Variants in ITGAE observed in about 807,000 individuals in gnomAD.
ITGAE encodes integrin alpha-E.
ITGAE carries 99 observed loss-of-function variants against 136.5 expected under a neutral mutation model. The ratio of observed to expected loss-of-function variants is 0.73; its 90% CI spans 0.62 to 0.86. ITGAE has a LOEUF of 0.86. Among genes scored for constraint, ITGAE ranks in the 40% least tolerant of loss-of-function variants. The probability of loss-of-function intolerance (pLI) is 0.00; values close to 1 mark genes in which losing one functional copy is unlikely to be tolerated. For missense variants in ITGAE, 1,447 were observed against 1,515.3 expected, an observed-to-expected ratio of 0.95 and a Z score of 0.75; for synonymous variants, 613 against 591.8, an observed-to-expected ratio of 1.04 and a Z score of -0.52.
At chr17:3,768,068 C>T (rs754506306) in intron 2 of ITGAE, among the ~76,000 whole-genome samples, 11 of 152,162 alleles carry the variant, frequency 7.2e-5, no homozygotes, top group Admixed American at 1.3e-4. Flanking sequence ...AAGAAAACTT[C>T]TATATTAATA....
chr17:3,791,308 A>G (rs910297262), intron 1 of ITGAE, among the ~76,000 whole-genome samples: 1 of 151,782 alleles, frequency 6.6e-6, no homozygotes. Context: ...ATTGAGACTG[A>G]GTCGTACTCT....
chr17:3,759,333 T>C (rs921007817), intron 8 of ITGAE, 69 bp downstream of exon 8: 21 of 1,561,518 alleles, frequency 1.3e-5, no homozygotes, highest in Non-Finnish European at 1.7e-5. Context: ...GGCCAGCCAC[T>C]TCCTCCATGA....
At chr17:3,744,418 C>T (rs1326226232) in intron 18 of ITGAE, among the ~76,000 whole-genome samples, 1 of 151,086 alleles carries the variant, frequency 6.6e-6, no homozygotes, top group Non-Finnish European at 1.5e-5. Context: ...AGAGTCACAG[C>T]CACACCTGGG....
intron 26 of ITGAE, 136 bp from the exon 27 acceptor site, chr17:3,723,880 GC>G: frequency 6.6e-7 from 1 of 1,520,544 alleles, no homozygotes; most frequent in Non-Finnish European, 8.8e-7. Context: ...GGGCGCGTCC[GC>G]GTCGCACGGA....
intron 2 of ITGAE, among the ~76,000 whole-genome samples, chr17:3,765,088 G>A (rs1343595864): frequency 1.3e-5 from 2 of 152,126 alleles, no homozygotes; most frequent in African/African-American, 4.8e-5. Flanking sequence ...GGTGGCTCAC[G>A]CCTGTAATCC....
chr17:3,723,859 C>T, intron 26 of ITGAE, 115 bp from the exon 27 acceptor site: 2 of 1,520,002 alleles, frequency 1.3e-6, no homozygotes, highest in African/African-American at 1.4e-5. Flanking sequence ...AGCTAGGACC[C>T]CGCGGCAGGC....
intron 1 of ITGAE, among the ~76,000 whole-genome samples, chr17:3,781,381 G>A (rs892738800): frequency 2.7e-5 from 4 of 145,684 alleles, no homozygotes; most frequent in South Asian, 2.2e-4. Flanking sequence ...ATAAAGTCTC[G>A]CTGAGCCGCC....
chr17:3,729,686 C>G lies in ITGAE; in HGVS notation c.2835-131G>C, dbSNP rs534420882. The G allele has an allele frequency of 2.0e-5, 14 of 686,298 alleles. No individual in the cohort carries two copies. In the East Asian group the frequency reaches 3.5e-4, roughly 17 times the overall value. The allele number at this position is 686,298 out of a possible 1,614,324, so 42.5% of individuals were successfully genotyped here. On this transcript the variant is annotated intron_variant, in intron 23 of 30. Transcript: ENST00000263087. ...CTCAGCTCACTGCAACCTCCGCCCC[C>G]CGGGTTCAAGCAATTCTCATGCCTC...
Position 3,751,700 on chromosome 17 carries a change from C to T in ITGAE, c.1843G>A (p.Val615Met), listed in dbSNP as rs1192980479. 5.6e-6 allele frequency: 9 copies of T among 1,613,940 alleles called. No homozygotes were observed. In the Admixed American group the frequency reaches 1.3e-4, roughly 24 times the overall value. ...GADDGASFGS[V>M]YIYNGHWDGL... ...TCCCAGTGTCCATTGTAGATATACA[C>T]ACTGCCGAAGCTGGCACCATCATCT... Residue 615 changes from valine to methionine, a missense_variant, in exon 15 of 31, where the codon GTG (valine) becomes ATG (methionine). Around this residue, in one of 3 missense-constraint regions of ITGAE, gnomAD observed 1,031 missense variants for 1,011.4 expected, o/e 1.02. Coordinates refer to ENST00000263087, the MANE Select transcript of ITGAE (RefSeq NM_002208.5).
chr17:3,720,043 T>A (rs1567752645), intron 29 of ITGAE, among the ~76,000 whole-genome samples: 3 of 152,150 alleles, frequency 2.0e-5, no homozygotes, highest in South Asian at 2.1e-4. Flanking sequence ...TTTTTTTTTT[T>A]AATCAATCCA....
intron 2 of ITGAE, among the ~76,000 whole-genome samples, chr17:3,771,309 G>T (rs144578323): frequency 2.0e-5 from 3 of 152,110 alleles, no homozygotes; most frequent in Admixed American, 2.0e-4. Flanking sequence ...GGCACACACC[G>T]TATGCCTCGT....
intron 19 of ITGAE, 138 bp downstream of exon 19, chr17:3,743,351 C>T (rs1157326405): frequency 5.1e-6 from 5 of 973,862 alleles, no homozygotes; most frequent in Non-Finnish European, 7.5e-6. Context: ...TCAGTTTCAC[C>T]ATGAGTACGG....
chr17:3,727,082 G>T (rs536560886), intron 26 of ITGAE, among the ~76,000 whole-genome samples: 2 of 151,220 alleles, frequency 1.3e-5, no homozygotes, highest in African/African-American at 4.9e-5. Flanking sequence ...ATTCCTTTCC[G>T]TTTTTTGAGC....
intron 1 of ITGAE, among the ~76,000 whole-genome samples, chr17:3,795,977 CCG>C (rs1491551312): frequency 0.014 from 686 of 48,930 alleles, 10 homozygotes; most frequent in African/African-American, 0.069. Flanking sequence ...GTGTGTGCAT[CCG>C]TGTGTGCATC....
chr17:3,796,573 C>G (rs577071567), intron 1 of ITGAE, among the ~76,000 whole-genome samples: 1 of 152,238 alleles, frequency 6.6e-6, no homozygotes, highest in East Asian at 1.9e-4. Context: ...GTTATAACCA[C>G]AGGCGAGGGC....
At chr17:3,750,749 G>A (rs1284119045) in intron 15 of ITGAE, among the ~76,000 whole-genome samples, 3 of 151,972 alleles carry the variant, frequency 2.0e-5, no homozygotes, top group Admixed American at 2.0e-4. Context: ...AGCAGCCAGG[G>A]CCAGGGACGG....
At position 3,724,225 on chromosome 17, in the gene ITGAE, C is replaced by A; in HGVS notation, c.3085-481G>T. The stretch of plus-strand genomic sequence containing the variant: ...AAGGACCGGCCCAGCCTGACCGTGA[C>A]CCCAAAGCGCTGGAAGCTGCGAGCT... On this transcript the variant is annotated intron_variant, in intron 26 of 30. Transcript: ENST00000263087. 3 of 1,593,626 alleles carry A rather than the reference C, an allele frequency of 1.9e-6. No individual in the cohort carries two copies. The highest frequency in any genetic ancestry group is 1.7e-5 in the Admixed American group (1 of 59,264).
chr17:3,756,314 A>G (rs1388626821), intron 10 of ITGAE, among the ~76,000 whole-genome samples: 2 of 142,464 alleles, frequency 1.4e-5, no homozygotes, highest in African/African-American at 2.7e-5. Context: ...GCTCACTGCA[A>G]CTTGTGCCTC....
chr17:3,781,598 C>G (rs975919719), intron 1 of ITGAE, among the ~76,000 whole-genome samples: 1 of 152,132 alleles, frequency 6.6e-6, no homozygotes, highest in South Asian at 2.1e-4. Context: ...CTCAGGTGAT[C>G]CGCCCGCCTC....
Sources: gnomAD v4.1 joint callset for allele counts (sites outside exome capture counted in the v4.1 genomes callset) on GRCh38, gnomAD v4.1.1 for gene constraint, gnomAD v4.1.1 regional missense constraint, MANE v1.5 for transcripts, NCBI Gene and HGNC (gene_info 2026-07-23, HGNC 2026-07-21) for gene names.